GXYLT2: variants seen among roughly 807,000 people sequenced by gnomAD.
GXYLT2 encodes glucoside xylosyltransferase 2, also known as glycosyltransferase 8 domain containing 4.
GXYLT2 carries 53 observed loss-of-function variants against 45.8 expected under a neutral mutation model. That is an observed-to-expected ratio of 1.16 (90% CI 0.93 to 1.46). The LOEUF (loss-of-function observed/expected upper bound fraction) is 1.46. GXYLT2 is among the 40% of genes most tolerant of loss of function. GXYLT2 has a pLI of 0.00. For missense variants in GXYLT2, 551 were observed against 544.4 expected, an observed-to-expected ratio of 1.01 and a Z score of -0.12; for synonymous variants, 219 against 214.2, an observed-to-expected ratio of 1.02 and a Z score of -0.19.
intron 3 of GXYLT2, among the ~76,000 whole-genome samples, chr3:72,950,815 G>A (rs574063511): frequency 2.6e-5 from 4 of 152,318 alleles, no homozygotes; most frequent in African/African-American, 4.8e-5. Context: ...GCCCCTGATC[G>A]TCTTGCTGCC....
chr3:72,965,315 C>G (rs1253168376), intron 5 of GXYLT2, among the ~76,000 whole-genome samples: 1 of 152,182 alleles, frequency 6.6e-6, no homozygotes, highest in Non-Finnish European at 1.5e-5. Context: ...CATCTTGAAG[C>G]TTTCTGTAAG....
intron 3 of GXYLT2, among the ~76,000 whole-genome samples, chr3:72,931,480 C>T (rs1215711681): frequency 2.0e-5 from 3 of 152,024 alleles, no homozygotes; most frequent in Non-Finnish European, 2.9e-5. Flanking sequence ...TCACCTGCCT[C>T]GGCCTCTCAA....
intron 3 of GXYLT2, among the ~76,000 whole-genome samples, chr3:72,935,782 C>T (rs909197522): frequency 4.6e-5 from 7 of 152,256 alleles, no homozygotes; most frequent in Non-Finnish European, 2.9e-5. Context: ...GTGTCTAGGT[C>T]GCAAGACATT....
chr3:72,949,915 T>C (rs891471984), intron 3 of GXYLT2, among the ~76,000 whole-genome samples: 1 of 152,126 alleles, frequency 6.6e-6, no homozygotes, highest in African/African-American at 2.4e-5. Flanking sequence ...TAAGATCACA[T>C]AGCATTTATT....
At position 72,955,292 on chromosome 3, in the gene GXYLT2, A is replaced by G. The variant is rs765794374; in HGVS notation, c.795A>G (p.Gly265=). The part of the protein sequence containing the change: ...FARHPFYGSA[G]VNSGVMLMNL... ...GGCATCCTTTCTATGGCTCTGCAGG[A>G]GTTAATTCAGGAGTCATGTTAATGA... The change falls in exon 4 of 7, where the codon GGA becomes GGG. Residue 265 remains glycine (G), a synonymous_variant. Coordinates refer to ENST00000389617, the MANE Select transcript of GXYLT2 (RefSeq NM_001080393.2). 155 of 1,613,852 alleles carry G rather than the reference A, an allele frequency of 9.6e-5. No individual in the cohort carries two copies. The highest frequency in any genetic ancestry group is 1.3e-4 in the Non-Finnish European group (150 of 1,179,862).
intron 4 of GXYLT2, among the ~76,000 whole-genome samples, chr3:72,955,993 G>A (rs757726969): frequency 1.4e-4 from 21 of 152,168 alleles, no homozygotes; most frequent in Non-Finnish European, 2.4e-4. Context: ...CAGGAGAATC[G>A]TGTGAACCCG....
intron 1 of GXYLT2, among the ~76,000 whole-genome samples, chr3:72,894,586 G>A (rs982805946): frequency 9.8e-5 from 15 of 152,290 alleles, no homozygotes; most frequent in East Asian, 5.8e-4. Flanking sequence ...CATGCCAGCC[G>A]CACCTGAATG....
intron 1 of GXYLT2, among the ~76,000 whole-genome samples, chr3:72,893,957 G>A (rs1280293550): frequency 6.6e-6 from 1 of 151,896 alleles, no homozygotes. Context: ...CCAGTACTAA[G>A]CCTGTCAATA....
intron 1 of GXYLT2, among the ~76,000 whole-genome samples, chr3:72,894,787 A>G (rs59552243): frequency 0.014 from 2,060 of 152,258 alleles, 43 homozygotes; most frequent in African/African-American, 0.047. Flanking sequence ...TGAAAACGCT[A>G]TAATATGTAA....
chr3:72,893,809 T>C (rs1709229783), intron 1 of GXYLT2, among the ~76,000 whole-genome samples: 1 of 152,150 alleles, frequency 6.6e-6, no homozygotes, highest in South Asian at 2.1e-4. Flanking sequence ...ATGTTTTTCC[T>C]TTTAAATAGG....
At chr3:72,914,593 A>G (rs1189903553) in intron 2 of GXYLT2, among the ~76,000 whole-genome samples, 1 of 151,976 alleles carries the variant, frequency 6.6e-6, no homozygotes, top group East Asian at 1.9e-4. Context: ...ATGTGTGCCC[A>G]TGTGCGTGTG....
chr3:72,901,652 C>T (rs1709411187), intron 1 of GXYLT2, among the ~76,000 whole-genome samples: 1 of 145,742 alleles, frequency 6.9e-6, no homozygotes, highest in South Asian at 2.3e-4. Context: ...GCTCCGCCTC[C>T]TGGGTTCAAG....
In GXYLT2 at chr3:72,922,320, G is replaced by A. The variant is rs1354674287; in HGVS notation, c.585G>A (p.Gln195=). The change falls in exon 3 of 7, where the codon CAG becomes CAA. Residue 195 remains glutamine, a synonymous_variant. Transcript: ENST00000389617. ...WKKLFKPCAA[Q]RLFLPVILKD... ...AATTGTTCAAACCCTGTGCTGCCCAGAGACTCTTTCTTCCGGTAGGAACAC... is the reference window on the plus strand; with the variant it reads ...AATTGTTCAAACCCTGTGCTGCCCAAAGACTCTTTCTTCCGGTAGGAACAC... The A allele has an allele frequency of 5.0e-6, 8 of 1,611,884 alleles. No homozygotes were observed. The East Asian group carries it at 1.6e-4, about 31-fold the overall frequency.
At chr3:72,917,469 T>G (rs1709763191) in intron 2 of GXYLT2, among the ~76,000 whole-genome samples, 1 of 152,196 alleles carries the variant, frequency 6.6e-6, no homozygotes, top group African/African-American at 2.4e-5. Context: ...ACCCTTCATA[T>G]ATCAAATGTC....
At chr3:72,963,668 A>C (rs926123021) in intron 5 of GXYLT2, among the ~76,000 whole-genome samples, 2 of 79,102 alleles carry the variant, frequency 2.5e-5, no homozygotes, top group African/African-American at 7.6e-5. Flanking sequence ...ATGCCTAGCT[A>C]ATTTTTTTTT....
chr3:72,955,138 C>A lies in GXYLT2; in HGVS notation c.641C>A (p.Thr214Asn), dbSNP rs745737589. The change falls in exon 4 of 7, where the codon ACC becomes AAC. Residue 214 changes from threonine to asparagine, a missense_variant. Transcript: ENST00000389617. Reference sequence around the variant, plus strand: ...GTGGACTCACTTCTCTACGTGGACACCGATGTCCTCTTTCTGAGACCTGTT... The same window carrying A: ...GTGGACTCACTTCTCTACGTGGACAACGATGTCCTCTTTCTGAGACCTGTT... ...KDVDSLLYVD[T>N]DVLFLRPVDD... 1 of 1,613,974 alleles carries A rather than the reference C, an allele frequency of 6.2e-7. No homozygotes were observed. Among genetic ancestry groups the A allele is most frequent in the Non-Finnish European group, 8.5e-7 (1 of 1,179,832 alleles).
chr3:72,961,363 T>C (rs1290466106), intron 5 of GXYLT2, among the ~76,000 whole-genome samples: 1 of 152,104 alleles, frequency 6.6e-6, no homozygotes, highest in African/African-American at 2.4e-5. Flanking sequence ...TGAGGGCAGA[T>C]ACTGTAAGAG....
chr3:72,933,021 A>T (rs1165696954), intron 3 of GXYLT2, among the ~76,000 whole-genome samples: 1 of 152,226 alleles, frequency 6.6e-6, no homozygotes, highest in Non-Finnish European at 1.5e-5. Flanking sequence ...TGCCTATCTC[A>T]TAGTGTTGTG....
intron 2 of GXYLT2, 132 bp from the exon 3 acceptor site, chr3:72,922,072 T>C: frequency 1.4e-6 from 1 of 738,158 alleles, no homozygotes; most frequent in Non-Finnish European, 2.3e-6. Context: ...TGAACATTCA[T>C]AGTGGTGATG....
Sources: allele counts gnomAD v4.1 joint callset (sites outside exome capture counted in the v4.1 genomes callset), GRCh38; gene constraint gnomAD v4.1.1; transcripts MANE v1.5; gene names NCBI Gene and HGNC (gene_info 2026-07-23, HGNC 2026-07-21).